Variants in EHMT1 observed in about 807,000 individuals in gnomAD.
EHMT1 encodes histone-lysine N-methyltransferase EHMT1.
A neutral mutation model predicts 147.2 loss-of-function variants in EHMT1; 15 were observed. The observed-to-expected ratio is 0.10, with a 90% CI of 0.07 to 0.16. The LOEUF (loss-of-function observed/expected upper bound fraction) is 0.16, where lower values mean the gene tolerates loss of function less well. Among genes scored for constraint, EHMT1 ranks in the 10% least tolerant of loss-of-function variants. EHMT1 has a pLI of 1.00. For missense variants in EHMT1, 1,587 were observed against 1,772.4 expected (o/e 0.90, Z 1.88); for synonymous variants, 795 against 709.6 (o/e 1.12, Z -1.91).
intron 6 of EHMT1, among the ~76,000 whole-genome samples, chr9:137,748,930 G>A (rs561238351): frequency 1.8e-4 from 27 of 152,258 alleles, no homozygotes; most frequent in African/African-American, 6.0e-4. Flanking sequence ...ATTCTGCTCA[G>A]AAGCCACTTG....
intron 1 of EHMT1, among the ~76,000 whole-genome samples, chr9:137,695,273 C>T (rs114053421): frequency 3.6e-4 from 55 of 152,304 alleles, no homozygotes; most frequent in African/African-American, 1.3e-3. Context: ...AGACTACAGC[C>T]GTTGAGCCTA....
intron 25 of EHMT1, among the ~76,000 whole-genome samples, chr9:137,827,850 C>G (rs1054027632): frequency 6.6e-6 from 1 of 151,930 alleles, no homozygotes; most frequent in Admixed American, 6.6e-5. Flanking sequence ...TGCCCGAAAC[C>G]TAGGTGGAAG....
intron 1 of EHMT1, among the ~76,000 whole-genome samples, chr9:137,651,797 A>G (rs531885241): frequency 6.6e-6 from 1 of 152,272 alleles, no homozygotes; most frequent in Admixed American, 6.5e-5. Flanking sequence ...CGTCTCAAGA[A>G]AAGAAAAAAA....
At chr9:137,690,489 G>A (rs1013605367) in intron 1 of EHMT1, among the ~76,000 whole-genome samples, 2 of 145,754 alleles carry the variant, frequency 1.4e-5, no homozygotes, top group African/African-American at 5.2e-5. Flanking sequence ...CGCCTGGGTG[G>A]CAGTGAGACC....
rs143474828 is a variant in EHMT1 at position 137,621,615 on chromosome 9, G to GAA, written c.21+2575_21+2576dup. Among the ~76,000 whole-genome samples the GAA allele has an allele frequency of 2.1e-5, 3 of 145,936 alleles. No individual in the cohort carries two copies. In the East Asian group the frequency reaches 6.0e-4, roughly 29 times the overall value. Reference sequence around the variant, plus strand: ...GCAACGGAGTGAGAGACTGTCTCAGGAAAAAAAAAAGAAAAAAAACTACTG... The same window carrying GAA: ...GCAACGGAGTGAGAGACTGTCTCAGGAAAAAAAAAAAAGAAAAAAAACTACTG... On this transcript the variant is annotated intron_variant, in intron 1 of 26. Transcript: ENST00000460843.
intron 1 of EHMT1, among the ~76,000 whole-genome samples, chr9:137,703,912 A>G (rs55754443): frequency 0.1 from 15,623 of 152,130 alleles, 884 homozygotes; most frequent in Middle Eastern, 0.2. Flanking sequence ...TGGGTAATTT[A>G]TAAAGAAAAG....
intron 10 of EHMT1, among the ~76,000 whole-genome samples, chr9:137,768,529 A>AGT (rs1950380449): frequency 5.5e-5 from 1 of 18,280 alleles, no homozygotes; most frequent in Admixed American, 8.8e-4. Flanking sequence ...AATTTTTTGT[A>AGT]TTTTTTTTTT....
At chr9:137,752,472 C>T (rs2136191952) in intron 7 of EHMT1, 64 bp downstream of exon 7, 1 of 1,565,558 alleles carries the variant, frequency 6.4e-7, no homozygotes, top group Non-Finnish European at 8.7e-7. Flanking sequence ...ACACCAGCGT[C>T]CTTCAGTTCT....
intron 2 of EHMT1, among the ~76,000 whole-genome samples, chr9:137,714,112 A>G (rs185604121): frequency 4.1e-4 from 63 of 152,174 alleles, no homozygotes; most frequent in Admixed American, 4.1e-3. Context: ...TTCCATTCCA[A>G]TCTGCATTCT....
intron 18 of EHMT1, among the ~76,000 whole-genome samples, chr9:137,810,902 T>C (rs1954424572): frequency 6.6e-6 from 1 of 152,178 alleles, no homozygotes; most frequent in Non-Finnish European, 1.5e-5. Context: ...GGTTTCACCA[T>C]GTTGGCCAGG....
chr9:137,770,264 T>C lies in EHMT1; in HGVS notation c.1648-4845T>C, dbSNP rs117141559. ...CTTTTTTTCTCCTTCCATTTTAGTT[T>C]TAGATAATTTATGTTGGCCTTTAAA... On this transcript the variant is annotated intron_variant, in intron 10 of 26. Transcript: ENST00000460843. 8.7e-4 allele frequency among the ~76,000 whole-genome samples: 132 copies of C among 152,348 alleles called. 1 individual carries two copies. In the East Asian group the frequency reaches 0.02, roughly 24 times the overall value.
chr9:137,823,704 C>A (rs1955618064), intron 25 of EHMT1, among the ~76,000 whole-genome samples: 1 of 152,242 alleles, frequency 6.6e-6, no homozygotes, highest in Non-Finnish European at 1.5e-5. Context: ...AGCCACCACG[C>A]CCGGCCCAAC....
intron 10 of EHMT1, among the ~76,000 whole-genome samples, chr9:137,768,751 G>A (rs1284105402): frequency 1.3e-5 from 2 of 149,630 alleles, no homozygotes; most frequent in African/African-American, 2.5e-5. Context: ...GGGTTTCACC[G>A]TTTTTAGCCG....
At chr9:137,752,187 G>A (rs1343245559) in intron 6 of EHMT1, 144 bp from the exon 7 acceptor site, 25 of 950,126 alleles carry the variant, frequency 2.6e-5, no homozygotes, top group Non-Finnish European at 3.5e-5. Flanking sequence ...GCAGGCCGGC[G>A]GCGCCCCCGC....
At chr9:137,704,536 C>A (rs1944092355) in intron 1 of EHMT1, among the ~76,000 whole-genome samples, 1 of 152,146 alleles carries the variant, frequency 6.6e-6, no homozygotes, top group Admixed American at 6.5e-5. Context: ...TATTTCTGTT[C>A]CGAGAGGAGT....
chr9:137,627,703 T>A (rs1043731158), intron 1 of EHMT1, among the ~76,000 whole-genome samples: 3 of 133,332 alleles, frequency 2.3e-5, no homozygotes, highest in African/African-American at 7.8e-5. Context: ...ATAAGCTGGA[T>A]TTTTTTTTTT....
chr9:137,793,802 G>A (rs1185285408), intron 16 of EHMT1, among the ~76,000 whole-genome samples: 2 of 152,204 alleles, frequency 1.3e-5, no homozygotes, highest in African/African-American at 4.8e-5. Flanking sequence ...GACAAATCCT[G>A]TACGATGTGA....
In EHMT1 at chr9:137,675,153, A is replaced by C. The variant is rs1589214770; in HGVS notation, c.22-35814A>C. 3 of 152,210 alleles carry C rather than the reference A, an allele frequency of 2.0e-5. No homozygotes were observed. In the South Asian group the frequency reaches 6.2e-4, roughly 31 times the overall value. 9.4% of individuals were successfully genotyped at this position (152,210 alleles called of 1,614,324 possible). On this transcript the variant is annotated intron_variant, in intron 1 of 26. Coordinates refer to ENST00000460843, the MANE Select transcript of EHMT1 (RefSeq NM_024757.5). ...GTAGCTCCTTCTGTGCCTTGTCATG[A>C]AGTGTGAACTTGATTCCATGGGCAG... is the stretch of plus-strand genomic sequence containing the variant.
chr9:137,708,949 T>C (rs541062308), intron 1 of EHMT1, among the ~76,000 whole-genome samples: 2 of 152,336 alleles, frequency 1.3e-5, no homozygotes, highest in East Asian at 3.9e-4. Flanking sequence ...CTTCCTCTGA[T>C]GTGGAACGCT....
Sources: gnomAD v4.1 joint callset for allele counts (sites outside exome capture counted in the v4.1 genomes callset) on GRCh38, gnomAD v4.1.1 for gene constraint, MANE v1.5 for transcripts, NCBI Gene and HGNC (gene_info 2026-07-23, HGNC 2026-07-21) for gene names.